The following PCDHGB1 variants were observed in gnomAD, a reference collection of about 807,000 sequenced individuals.
PCDHGB1 encodes the protein protocadherin gamma-B1.
Under a neutral mutation model 56.6 loss-of-function variants are expected in PCDHGB1, and 34 were observed. The observed-to-expected ratio is 0.60, with a 90% CI of 0.46 to 0.80. The LOEUF is 0.80. PCDHGB1 is among the 30% of genes least tolerant of loss of function. The pLI is 0.00. For missense variants in PCDHGB1, 1,278 were observed against 1,204.6 expected (o/e 1.06, Z -0.90); for synonymous variants, 561 against 505.9 (o/e 1.11, Z -1.46).
intron 1 of PCDHGB1, among the ~76,000 whole-genome samples, chr5:141,379,889 CTTTTTTTTTTTT>C (rs70988800): frequency 3.0e-4 from 15 of 50,832 alleles, no homozygotes; most frequent in South Asian, 9.2e-4. Flanking sequence ...GTGAAAGCCT[CTTTTTTTTTTTT>C]TTTTTTTTTT....
At chr5:141,510,695 C>T (rs1023505006) in intron 3 of PCDHGB1, among the ~76,000 whole-genome samples, 1 of 152,166 alleles carries the variant, frequency 6.6e-6, no homozygotes, top group Non-Finnish European at 1.5e-5. Context: ...GTTAGGTAGA[C>T]TTGCCCAGGA....
At chr5:141,363,080 T>C (rs553480697) in intron 1 of PCDHGB1, among the ~76,000 whole-genome samples, 1 of 152,380 alleles carries the variant, frequency 6.6e-6, no homozygotes, top group African/African-American at 2.4e-5. Context: ...GAATCACAAA[T>C]GTATTTCTAA....
chr5:141,360,548 T>A (rs1354805978), intron 1 of PCDHGB1: 3 of 1,613,974 alleles, frequency 1.9e-6, no homozygotes, highest in Non-Finnish European at 1.7e-6. Flanking sequence ...CAGACTAAGA[T>A]TAATTTAAAA....
Position 141,490,900 on chromosome 5 carries a change from G to A in PCDHGB1, c.2410-3907G>A, listed in dbSNP as rs2099705863. 2 of 1,613,796 alleles carry A rather than the reference G, an allele frequency of 1.2e-6. No individual in the cohort carries two copies. The highest frequency in any genetic ancestry group is 2.7e-5 in the African/African-American group (2 of 75,050). ...TGCCAACACATCTCTGCATGTGTTT[G>A]TCCTAGACGAGAATGATAATGCCCC... On this transcript the variant is annotated intron_variant, in intron 1 of 3. Transcript: ENST00000523390. The surrounding 1 kb of genome is among the most constrained non-coding windows in gnomAD (Gnocchi z 5.4).
At chr5:141,428,754 T>C (rs932377392) in intron 1 of PCDHGB1, 7 of 154,708 alleles carry the variant, frequency 4.5e-5, no homozygotes, top group African/African-American at 1.4e-4. Context: ...TTGCTTCAGG[T>C]TTGTTTGCCC....
rs541159563 is a variant in PCDHGB1, at chr5:141,383,854, G to A, written c.2409+31185G>A. 2.3e-5 allele frequency: 37 copies of A among 1,613,942 alleles called. No homozygotes were observed. The South Asian group carries it at 3.4e-4, about 15-fold the overall frequency. Reference sequence around the variant, plus strand: ...AGAAACTGCCTTCTATGAAATGGAGGTTCAGGCTCAAGATGGTCCTGGTAG... The same window carrying A: ...AGAAACTGCCTTCTATGAAATGGAGATTCAGGCTCAAGATGGTCCTGGTAG... On this transcript the variant is annotated intron_variant, in intron 1 of 3. Transcript: ENST00000523390.
At chr5:141,416,913 G>C (rs2096067624) in intron 1 of PCDHGB1, 1 of 151,920 alleles carries the variant, frequency 6.6e-6, no homozygotes, top group South Asian at 2.1e-4. Context: ...ACACTCTTTA[G>C]GGTCATAGTT....
At chr5:141,363,325 T>C (rs1762878436) in intron 1 of PCDHGB1, among the ~76,000 whole-genome samples, 1 of 152,276 alleles carries the variant, frequency 6.6e-6, no homozygotes, top group South Asian at 2.1e-4. Flanking sequence ...ATGAAAGTGT[T>C]ATTAAATAAA....
chr5:141,502,578 T>C (rs2099815145), intron 2 of PCDHGB1, among the ~76,000 whole-genome samples: 1 of 152,198 alleles, frequency 6.6e-6, no homozygotes, highest in African/African-American at 2.4e-5. Context: ...TATAAAAATA[T>C]ATTTTTATAA....
intron 1 of PCDHGB1, chr5:141,383,949 G>T (rs538018556): frequency 4.3e-6 from 7 of 1,613,584 alleles, no homozygotes; most frequent in Non-Finnish European, 5.9e-6. Context: ...TGACTATGAC[G>T]TCTTTAAGTA....
Position 141,490,177 on chromosome 5 carries a change from T to C in PCDHGB1, c.2410-4630T>C, listed in dbSNP as rs780298274. 12 of 1,613,622 alleles carry C rather than the reference T, an allele frequency of 7.4e-6. No individual in the cohort carries two copies. The highest frequency in any genetic ancestry group is 1.0e-5 in the Non-Finnish European group (12 of 1,179,932). On this transcript the variant is annotated intron_variant, in intron 1 of 3. Transcript: ENST00000523390. This position sits in a 1 kb window ranked among gnomAD's most constrained non-coding sequence, Gnocchi z 5.4. The stretch of plus-strand genomic sequence containing the variant: ...GTTGGGTCCCATAGACTTTGAGGAG[T>C]CACGTTTCTATGAAATTCATGCAAG...
intron 1 of PCDHGB1, among the ~76,000 whole-genome samples, chr5:141,456,083 G>A (rs2098842632): frequency 6.6e-6 from 1 of 151,960 alleles, no homozygotes; most frequent in South Asian, 2.1e-4. Context: ...ATTTTCAGTA[G>A]AGACGGGATT....
chr5:141,427,547 T>C (rs747558888), intron 1 of PCDHGB1: 1 of 640,310 alleles, frequency 1.6e-6, no homozygotes, highest in South Asian at 1.5e-5. Flanking sequence ...TCACCATCAC[T>C]GCCACTGACA....
intron 1 of PCDHGB1, chr5:141,422,005 A>G (rs2154549470): frequency 6.2e-7 from 1 of 1,609,814 alleles, no homozygotes; most frequent in Middle Eastern, 1.7e-4. Context: ...CAGCTCCGGA[A>G]CTCGGGTGCT....
At chr5:141,466,583 C>T (rs2099125595) in intron 1 of PCDHGB1, among the ~76,000 whole-genome samples, 1 of 152,184 alleles carries the variant, frequency 6.6e-6, no homozygotes, top group Admixed American at 6.6e-5. Flanking sequence ...CTCATCCCTT[C>T]TTAAAACAAG....
intron 3 of PCDHGB1, among the ~76,000 whole-genome samples, chr5:141,507,645 G>A (rs565235954): frequency 6.6e-6 from 1 of 152,382 alleles, no homozygotes; most frequent in South Asian, 2.1e-4. Flanking sequence ...CTGAGGCCAG[G>A]AAGCAGCTTT....
intron 1 of PCDHGB1, chr5:141,423,413 C>T (rs757696505): frequency 2.5e-6 from 4 of 1,614,022 alleles, no homozygotes; most frequent in South Asian, 2.2e-5. Flanking sequence ...CTGCAGGCTT[C>T]TGAAGGCGGG....
chr5:141,476,229 C>A lies in PCDHGB1; in HGVS notation c.2410-18578C>A, dbSNP rs761790915. The A allele has an allele frequency of 1.9e-6, 3 of 1,613,872 alleles. No homozygotes were observed. The South Asian group carries it at 3.3e-5, about 18-fold the overall frequency. ...TCCACGGTCATTCACTATGAGATCC[C>A]GGAGGAAAGAGAGAAGGGTTTCGCT... On this transcript the variant is annotated intron_variant, in intron 1 of 3. Transcript: ENST00000523390. This position sits in a 1 kb window ranked among gnomAD's most constrained non-coding sequence, Gnocchi z 7.6.
At chr5:141,363,563 A>G (rs1428859316) in intron 1 of PCDHGB1, among the ~76,000 whole-genome samples, 1 of 152,258 alleles carries the variant, frequency 6.6e-6, no homozygotes, top group Non-Finnish European at 1.5e-5. Context: ...ATGGTAATAG[A>G]AAAACATAAA....
Sources: allele counts gnomAD v4.1 joint callset (sites outside exome capture counted in the v4.1 genomes callset), GRCh38; gene constraint gnomAD v4.1.1; non-coding constraint Gnocchi (gnomAD v3.1); transcripts MANE v1.5; gene names NCBI Gene and HGNC (gene_info 2026-07-23, HGNC 2026-07-21).